Variants in BCL7C observed in about 807,000 individuals in gnomAD.
BCL7C encodes the protein B-cell CLL/lymphoma 7 protein family member C.
BCL7C carries 8 observed loss-of-function variants against 26.2 expected under a neutral mutation model. The ratio of observed to expected loss-of-function variants is 0.30; its 90% CI spans 0.18 to 0.55. The LOEUF is 0.55. BCL7C is among the 20% of genes least tolerant of loss of function. The pLI is 0.93. For synonymous variants in BCL7C, 90 were observed against 116.5 expected, an observed-to-expected ratio of 0.77 and a Z score of 1.47; for missense variants, 262 against 298.5, an observed-to-expected ratio of 0.88 and a Z score of 0.90.
intron 5 of BCL7C, chr16:30,875,322 T>C (rs897984): frequency 0.49 from 74,514 of 153,630 alleles, 22,386 homozygotes; most frequent in East Asian, 0.91. Context: ...ACTGCTGAGG[T>C]TGCCCGAGGT....
At chr16:30,856,420 G>A (rs1360274056) in intron 5 of BCL7C, among the ~76,000 whole-genome samples, 2 of 134,386 alleles carry the variant, frequency 1.5e-5, no homozygotes, top group Non-Finnish European at 3.1e-5. Flanking sequence ...CAGTCTGGGC[G>A]ACACAGTGAG....
At chr16:30,865,246 C>G (rs922335796) in intron 5 of BCL7C, among the ~76,000 whole-genome samples, 1 of 151,522 alleles carries the variant, frequency 6.6e-6, no homozygotes, top group Non-Finnish European at 1.5e-5. Flanking sequence ...ATGCCTATTC[C>G]AAACCCATAA....
chr16:30,858,729 C>G (rs1041431601), intron 5 of BCL7C, among the ~76,000 whole-genome samples: 2 of 152,154 alleles, frequency 1.3e-5, no homozygotes, highest in Non-Finnish European at 2.9e-5. Flanking sequence ...ACATGTGAAA[C>G]TGAAGGGCTG....
intron 5 of BCL7C, among the ~76,000 whole-genome samples, chr16:30,847,582 G>C (rs1378702822): frequency 6.6e-6 from 1 of 152,056 alleles, no homozygotes; most frequent in Non-Finnish European, 1.5e-5. Flanking sequence ...GATCACCTAA[G>C]GTCAGGAGTT....
rs1386500493 is a variant in BCL7C, at chr16:30,894,046, C to G, written c.-102G>C. 1.8e-5 allele frequency: 6 copies of G among 337,358 alleles called. No individual in the cohort carries two copies. The highest frequency in any genetic ancestry group is 2.6e-5 in the Non-Finnish European group (6 of 228,138). 20.9% of individuals were successfully genotyped at this position (337,358 alleles called of 1,614,324 possible). A position where few individuals can be genotyped will look rare whatever the true frequency, so the allele number is the denominator to read the frequency against. ...CCCGGGCGCCGCGCTCTCGGCCTGC[C>G]GTCCCCCCTGGAGTTGGCCGCGCCC... On this transcript the variant is annotated 5_prime_UTR_variant, in exon 1 of 6. Transcript: ENST00000215115.
At chr16:30,842,285 C>A (rs1486382116) in intron 5 of BCL7C, among the ~76,000 whole-genome samples, 3 of 152,134 alleles carry the variant, frequency 2.0e-5, no homozygotes, top group Non-Finnish European at 4.4e-5. Context: ...TCTGCCGACA[C>A]CTTGGTCTTG....
intron 5 of BCL7C, among the ~76,000 whole-genome samples, chr16:30,880,487 C>T (rs988532918): frequency 7.4e-5 from 11 of 148,130 alleles, no homozygotes; most frequent in Admixed American, 6.8e-5. Context: ...ATCACGAGGT[C>T]GGGAGATTGA....
intron 5 of BCL7C, among the ~76,000 whole-genome samples, chr16:30,869,418 T>C (rs2054863358): frequency 6.6e-6 from 1 of 151,768 alleles, no homozygotes. Flanking sequence ...ACTATGTTGC[T>C]GGCCTCGAAC....
chr16:30,886,865 G>C (rs1031561371), downstream of BCL7C, among the ~76,000 whole-genome samples: 7 of 152,148 alleles, frequency 4.6e-5, no homozygotes, highest in Admixed American at 3.3e-4. Flanking sequence ...CTGGGCCTCT[G>C]TGTTATTATG....
chr16:30,872,670 T>C (rs1021922478), intron 5 of BCL7C, among the ~76,000 whole-genome samples: 3 of 152,150 alleles, frequency 2.0e-5, no homozygotes, highest in Non-Finnish European at 4.4e-5. Flanking sequence ...ATGTTTTGGG[T>C]AGTGGCCAGA....
chr16:30,870,071 C>T lies in BCL7C; in HGVS notation c.528+18789G>A, dbSNP rs1022299783. Among the ~76,000 whole-genome samples, 11 of 152,194 alleles carry T rather than the reference C, an allele frequency of 7.2e-5. 1 individual carries two copies. The highest frequency in any genetic ancestry group is 6.5e-4 in the Admixed American group (10 of 15,284). ...CTCACCTGTATCTCAATCTCTTAGC[C>T]CAGGGCCTGCCACCTTAGGAAGATG... On this transcript the variant is annotated intron_variant, in intron 5 of 5. Transcript: ENST00000380317.
intron 5 of BCL7C, among the ~76,000 whole-genome samples, chr16:30,864,250 A>C (rs2054803937): frequency 6.6e-6 from 1 of 152,186 alleles, no homozygotes; most frequent in Non-Finnish European, 1.5e-5. Flanking sequence ...GATAGAGCCC[A>C]AAAACTCGCC....
intron 5 of BCL7C, among the ~76,000 whole-genome samples, chr16:30,855,288 G>C (rs925231093): frequency 6.6e-6 from 1 of 151,920 alleles, no homozygotes; most frequent in African/African-American, 2.4e-5. Flanking sequence ...GCTCAAGCTG[G>C]AGTGCAGTGA....
At chr16:30,833,878 C>T (rs565911252) in exon 6 of BCL7C, 5 of 152,224 alleles carry the variant, frequency 3.3e-5, no homozygotes, top group African/African-American at 1.2e-4. Context: ...CGGCCTTAAC[C>T]CCGCTGTGTC....
At chr16:30,841,212 C>A (rs1333145350) in intron 5 of BCL7C, among the ~76,000 whole-genome samples, 2 of 152,164 alleles carry the variant, frequency 1.3e-5, no homozygotes, top group Admixed American at 1.3e-4. Flanking sequence ...TAGTGGTCTG[C>A]AAATTTGTTC....
At chr16:30,854,078 T>G (rs1351042749) in intron 5 of BCL7C, among the ~76,000 whole-genome samples, 2 of 152,152 alleles carry the variant, frequency 1.3e-5, no homozygotes, top group Non-Finnish European at 2.9e-5. Context: ...AGTGTCTTCC[T>G]CAGCTGCAGC....
At chr16:30,845,714 C>CTT (rs755178158) in intron 5 of BCL7C, among the ~76,000 whole-genome samples, 1 of 146,032 alleles carries the variant, frequency 6.8e-6, no homozygotes, top group Non-Finnish European at 1.5e-5. Context: ...TTTCTGCATT[C>CTT]TTTTTTTTTT....
At chr16:30,844,863 T>C (rs2054624677) in intron 5 of BCL7C, among the ~76,000 whole-genome samples, 1 of 152,216 alleles carries the variant, frequency 6.6e-6, no homozygotes, top group Non-Finnish European at 1.5e-5. Flanking sequence ...AACATGATGT[T>C]ATGCTTTGTC....
At chr16:30,842,429 G>A (rs1314055892) in intron 5 of BCL7C, among the ~76,000 whole-genome samples, 5 of 152,166 alleles carry the variant, frequency 3.3e-5, no homozygotes, top group Non-Finnish European at 5.9e-5. Flanking sequence ...TACGCCACTT[G>A]CCTCTGTTTG....
Sources: gnomAD v4.1 joint callset for allele counts (sites outside exome capture counted in the v4.1 genomes callset) on GRCh38, gnomAD v4.1.1 for gene constraint, MANE v1.5 for transcripts, NCBI Gene and HGNC (gene_info 2026-07-23, HGNC 2026-07-21) for gene names.